The following OLFM2 variants were observed in gnomAD, a reference collection of about 807,000 sequenced individuals.
OLFM2 encodes noelin-2.
Under a neutral mutation model 43.9 loss-of-function variants are expected in OLFM2, and 20 were observed. That is an observed-to-expected ratio of 0.46 (90% CI 0.32 to 0.66). OLFM2 has a LOEUF of 0.66. Among genes scored for constraint, OLFM2 ranks in the 30% least tolerant of loss-of-function variants. The probability of loss-of-function intolerance (pLI) is 0.04; values close to 1 mark genes in which losing one functional copy is unlikely to be tolerated. For synonymous variants in OLFM2, 268 were observed against 278.6 expected (o/e 0.96, Z 0.38); for missense variants, 416 against 643.6 (o/e 0.65, Z 3.83).
chr19:9,924,991 C>T (rs1308701320), intron 1 of OLFM2, among the ~76,000 whole-genome samples: 1 of 151,838 alleles, frequency 6.6e-6, no homozygotes, highest in African/African-American at 2.4e-5. Context: ...GGCTGGGCGC[C>T]GTGGCTCATG....
At chr19:9,920,741 CAAA>C (rs557455889) in intron 1 of OLFM2, among the ~76,000 whole-genome samples, 12,347 of 126,566 alleles carry the variant, frequency 0.098, 1,741 homozygotes, top group African/African-American at 0.32. Context: ...ACTAAACATA[CAAA>C]AAAAAAAAAA....
Position 9,857,522 on chromosome 19 carries a change from G to A in OLFM2, c.361-40C>T. ...GGAACCATGGCCAAGCCTGACCCCT[G>A]GCCTTTGACCCAGACATGACTCCAA... On this transcript the variant is annotated intron_variant, in intron 3 of 5. Transcript: ENST00000264833. This position sits in a 1 kb window ranked among gnomAD's most constrained non-coding sequence, Gnocchi z 5.7. 1 of 1,604,018 alleles carries A rather than the reference G, an allele frequency of 6.2e-7. No individual in the cohort carries two copies. Among genetic ancestry groups the A allele is most frequent in the Non-Finnish European group, 8.5e-7 (1 of 1,174,602 alleles).
At chr19:9,874,512 C>T (rs1408973036) in intron 1 of OLFM2, among the ~76,000 whole-genome samples, 1 of 151,708 alleles carries the variant, frequency 6.6e-6, no homozygotes, top group Non-Finnish European at 1.5e-5. Context: ...ATAGAGTCTC[C>T]CTCTGTCGCC....
At position 9,856,778 on chromosome 19, in the gene OLFM2, T is replaced by G; in HGVS notation, c.687+29A>C. On this transcript the variant is annotated intron_variant, in intron 5 of 5. Coordinates refer to ENST00000264833, the MANE Select transcript of OLFM2 (RefSeq NM_058164.4). The surrounding 1 kb of genome is among the most constrained non-coding windows in gnomAD (Gnocchi z 4.0). ...CAAAGGCTCTGTCCCTCCCAGGCCC[T>G]GACCCCAGGGGTGGGCGCAGTCACT... The G allele has an allele frequency of 1.3e-6, 2 of 1,581,844 alleles. No homozygotes were observed. The highest frequency in any genetic ancestry group is 1.7e-6 in the Non-Finnish European group (2 of 1,154,992).
At chr19:9,935,442 G>T (rs930322677) in intron 1 of OLFM2, among the ~76,000 whole-genome samples, 2 of 152,012 alleles carry the variant, frequency 1.3e-5, no homozygotes, top group Non-Finnish European at 2.9e-5. Flanking sequence ...AGGGAGACCC[G>T]CTTCTGTAAG....
At chr19:9,928,760 G>A (rs977789959) in intron 1 of OLFM2, among the ~76,000 whole-genome samples, 4 of 151,416 alleles carry the variant, frequency 2.6e-5, no homozygotes, top group Non-Finnish European at 2.9e-5. Flanking sequence ...AGATGAGATC[G>A]TGCCACTGCA....
In OLFM2 at chr19:9,917,862, C is replaced by T. The variant is rs554956830; in HGVS notation, c.63+18442G>A. ...ACACCCCACCACTCTGTGCCACTTA[C>T]CCTACTTTAGTTGTTTTTTGTTTTG... On this transcript the variant is annotated intron_variant, in intron 1 of 5. Coordinates refer to ENST00000264833, the MANE Select transcript of OLFM2 (RefSeq NM_058164.4). Among the ~76,000 whole-genome samples, 33 of 144,608 alleles carry T rather than the reference C, an allele frequency of 2.3e-4. 2 individuals are homozygous for T. Among genetic ancestry groups the T allele is most frequent in the South Asian group, 2.3e-3 (10 of 4,402 alleles). 94.9% of individuals were successfully genotyped at this position (144,608 alleles called of 152,430 possible).
intron 1 of OLFM2, among the ~76,000 whole-genome samples, chr19:9,869,476 T>C (rs2046426951): frequency 6.6e-6 from 1 of 152,128 alleles, no homozygotes; most frequent in African/African-American, 2.4e-5. Flanking sequence ...TCTTTCTTAG[T>C]TTTTTCATTT....
chr19:9,866,028 A>G (rs1278454215), intron 1 of OLFM2, among the ~76,000 whole-genome samples: 1 of 152,278 alleles, frequency 6.6e-6, no homozygotes, highest in East Asian at 1.9e-4. Context: ...TTCTCTCGAC[A>G]GAGGAAATAT....
intron 1 of OLFM2, among the ~76,000 whole-genome samples, chr19:9,931,670 C>A (rs921029455): frequency 2.7e-5 from 4 of 147,926 alleles, no homozygotes; most frequent in African/African-American, 1.0e-4. Context: ...CAATACTGTA[C>A]TGTACTCCAG....
At chr19:9,919,188 A>T (rs1354083902) in intron 1 of OLFM2, among the ~76,000 whole-genome samples, 2 of 101,628 alleles carry the variant, frequency 2.0e-5, no homozygotes, top group African/African-American at 9.3e-5. Context: ...TTTTTTTGAG[A>T]TGGAGTCTCG....
intron 5 of OLFM2, among the ~76,000 whole-genome samples, chr19:9,855,691 C>T (rs550125941): frequency 3.0e-4 from 46 of 152,166 alleles, no homozygotes; most frequent in African/African-American, 9.9e-4. Flanking sequence ...CAAGTCACCA[C>T]GCCCAGCTTA....
chr19:9,921,954 TGTG>T (rs951939618), intron 1 of OLFM2, among the ~76,000 whole-genome samples: 5 of 151,824 alleles, frequency 3.3e-5, no homozygotes, highest in African/African-American at 1.2e-4. Flanking sequence ...ATTAGCTGGG[TGTG>T]GTGGTGTGCA....
chr19:9,920,261 AG>A (rs1480484096), intron 1 of OLFM2, among the ~76,000 whole-genome samples: 1 of 152,124 alleles, frequency 6.6e-6, no homozygotes, highest in African/African-American at 2.4e-5. Flanking sequence ...CCTGGGCAAC[AG>A]AGCAAGACCC....
In OLFM2 at chr19:9,902,074, G is replaced by A. The variant is rs187165483; in HGVS notation, c.63+34230C>T. On this transcript the variant is annotated intron_variant, in intron 1 of 5. Coordinates refer to ENST00000264833, the MANE Select transcript of OLFM2 (RefSeq NM_058164.4). ...GATGGAGTCTCGCTTTGTCACCCAG[G>A]CTGGAGTGCAGTGGCGTGATCTCGG... 1.4e-4 allele frequency among the ~76,000 whole-genome samples: 21 copies of A among 151,998 alleles called. 1 individual carries two copies. The highest frequency in any genetic ancestry group is 3.4e-3 in the Middle Eastern group (1 of 294).
chr19:9,857,494 GATGGAACC>G lies in OLFM2; in HGVS notation c.361-20_361-13del. ...CTGTCCTTCAGCTCCTGTGCATCAA[GATGGAACC>G]ATGGCCAAGCCTGACCCCTGGCCTT... On this transcript the variant is annotated splice_polypyrimidine_tract_variant and intron_variant, in intron 3 of 5. Coordinates refer to ENST00000264833, the MANE Select transcript of OLFM2 (RefSeq NM_058164.4). The surrounding 1 kb of genome is among the most constrained non-coding windows in gnomAD (Gnocchi z 5.7). 6.2e-7 allele frequency: 1 copy of G among 1,612,714 alleles called. No homozygotes were observed. The highest frequency in any genetic ancestry group is 8.5e-7 in the Non-Finnish European group (1 of 1,179,806).
chr19:9,887,237 G>C (rs1210764089), intron 1 of OLFM2, among the ~76,000 whole-genome samples: 1 of 151,312 alleles, frequency 6.6e-6, no homozygotes, highest in Non-Finnish European at 1.5e-5. Context: ...GGAGTGCAGT[G>C]GTGTGATCTT....
In OLFM2 at chr19:9,857,973, A is replaced by G; in HGVS notation, c.214-112T>C. On this transcript the variant is annotated intron_variant, in intron 2 of 5. Transcript: ENST00000264833. This position sits in a 1 kb window ranked among gnomAD's most constrained non-coding sequence, Gnocchi z 5.7. ...AGGCTGTACAAACACCACACCGACGAGGCCACCTTCTCCTCCCCTGAGCTT... is the reference window on the plus strand; with the variant it reads ...AGGCTGTACAAACACCACACCGACGGGGCCACCTTCTCCTCCCCTGAGCTT... 7.4e-7 allele frequency: 1 copy of G among 1,358,350 alleles called. No individual in the cohort carries two copies. The highest frequency in any genetic ancestry group is 1.2e-5 in the South Asian group (1 of 82,196). 84.1% of individuals were successfully genotyped at this position (1,358,350 alleles called of 1,614,324 possible).
At chr19:9,928,959 G>A (rs146084297) in intron 1 of OLFM2, among the ~76,000 whole-genome samples, 1 of 152,222 alleles carries the variant, frequency 6.6e-6, no homozygotes, top group Admixed American at 6.6e-5. Flanking sequence ...GTGTGCACCT[G>A]TAATCCCAAC....
Sources: gnomAD v4.1 joint callset for allele counts (sites outside exome capture counted in the v4.1 genomes callset) on GRCh38, gnomAD v4.1.1 for gene constraint, Gnocchi (gnomAD v3.1) non-coding constraint, MANE v1.5 for transcripts, NCBI Gene and HGNC (gene_info 2026-07-23, HGNC 2026-07-21) for gene names.